Variants in DDX1 observed in about 807,000 individuals in gnomAD.
DDX1 encodes the protein ATP-dependent RNA helicase DDX1.
DDX1 carries 28 observed loss-of-function variants against 108.7 expected under a neutral mutation model. The ratio of observed to expected loss-of-function variants is 0.26; its 90% CI spans 0.19 to 0.35. DDX1 has a LOEUF of 0.35. Among genes scored for constraint, DDX1 ranks in the 10% least tolerant of loss-of-function variants. DDX1 has a pLI of 1.00. For synonymous variants in DDX1, 295 were observed against 288.9 expected (o/e 1.02, Z -0.21); for missense variants, 710 against 884.5 (o/e 0.80, Z 2.50).
At chr2:15,612,455 C>A (rs913538954) in intron 13 of DDX1, among the ~76,000 whole-genome samples, 1 of 150,218 alleles carries the variant, frequency 6.7e-6, no homozygotes, top group East Asian at 2.0e-4. Flanking sequence ...GGATGGTGGC[C>A]GGGAAGAGGT....
At position 15,616,778 on chromosome 2, in the gene DDX1, C is replaced by T. The variant is rs574208376; in HGVS notation, c.1018-466C>T. On this transcript the variant is annotated intron_variant, in intron 14 of 25. Transcript: ENST00000233084. Reference sequence around the variant, plus strand: ...TTTATTGAGCACCTGGGACACTCTGCGTCTAGTGCTTTACGCATCTTATCT... The same window carrying T: ...TTTATTGAGCACCTGGGACACTCTGTGTCTAGTGCTTTACGCATCTTATCT... Among the ~76,000 whole-genome samples the T allele has an allele frequency of 7.8e-4, 119 of 152,270 alleles. 1 individual carries two copies. Among genetic ancestry groups the T allele is most frequent in the Non-Finnish European group, 1.4e-3 (98 of 68,014 alleles).
intron 20 of DDX1, 31 bp from the exon 21 acceptor site, chr2:15,628,414 A>C: frequency 6.5e-7 from 1 of 1,539,444 alleles, no homozygotes; most frequent in Non-Finnish European, 9.0e-7. Flanking sequence ...TGTGCTAACA[A>C]ACTCCTTTCT....
intron 13 of DDX1, among the ~76,000 whole-genome samples, chr2:15,610,179 G>A (rs1241126463): frequency 6.6e-6 from 1 of 152,184 alleles, no homozygotes; most frequent in Non-Finnish European, 1.5e-5. Context: ...CAATCCTTGT[G>A]TCTCCGCCTC....
chr2:15,607,500 ATTTTT>A (rs1011489283), intron 13 of DDX1, among the ~76,000 whole-genome samples, 187 bp downstream of exon 13: 17 of 110,542 alleles, frequency 1.5e-4, no homozygotes, highest in African/African-American at 7.5e-4. Flanking sequence ...GGTAAGTATG[ATTTTT>A]TTAAAATTGA....
intron 1 of DDX1, 25 bp downstream of exon 1, chr2:15,591,974 T>G: frequency 1.4e-6 from 2 of 1,400,302 alleles, no homozygotes; most frequent in Non-Finnish European, 1.9e-6. Context: ...ACTCTGGGGG[T>G]GGTGGGGCGG....
Position 15,607,158 on chromosome 2 carries a change from C to G in DDX1, c.818-17C>G. ...AAGTGTGCTTTGAATGTGTTCTCAT[C>G]TTTTTTATTCCCTAAGGTAATGCAC... is the stretch of plus-strand genomic sequence containing the variant. On this transcript the variant is annotated splice_polypyrimidine_tract_variant and intron_variant, in intron 12 of 25. Coordinates refer to ENST00000233084, the MANE Select transcript of DDX1 (RefSeq NM_004939.3). 6.2e-7 allele frequency: 1 copy of G among 1,611,288 alleles called. No homozygotes were observed. Among genetic ancestry groups the G allele is most frequent in the Non-Finnish European group, 8.5e-7 (1 of 1,178,234 alleles).
At chr2:15,619,225 C>T (rs1665950135) in intron 16 of DDX1, among the ~76,000 whole-genome samples, 1 of 152,200 alleles carries the variant, frequency 6.6e-6, no homozygotes, top group Non-Finnish European at 1.5e-5. Context: ...TGAGGTGGCT[C>T]CCAGGGCAGT....
At chr2:15,619,428 G>T (rs191847736) in intron 16 of DDX1, among the ~76,000 whole-genome samples, 224 of 152,290 alleles carry the variant, frequency 1.5e-3, no homozygotes, top group African/African-American at 5.2e-3. Flanking sequence ...TTGGGGATGC[G>T]GGGCACAGGG....
chr2:15,604,425 C>G lies in DDX1; in HGVS notation c.553-12C>G. 3 of 1,574,342 alleles carry G rather than the reference C, an allele frequency of 1.9e-6. No individual in the cohort carries two copies. The highest frequency in any genetic ancestry group is 1.7e-6 in the Non-Finnish European group (2 of 1,145,612). ...CTTTCTATTAATAGCATTTGACTTT[C>G]TGGTGTTCTAGGAATTCACTATGCA... is the stretch of plus-strand genomic sequence containing the variant. On this transcript the variant is annotated splice_polypyrimidine_tract_variant and intron_variant, in intron 9 of 25. Coordinates refer to ENST00000233084, the MANE Select transcript of DDX1 (RefSeq NM_004939.3).
At chr2:15,619,815 C>G (rs867661277) in intron 16 of DDX1, among the ~76,000 whole-genome samples, 36 of 152,040 alleles carry the variant, frequency 2.4e-4, no homozygotes, top group African/African-American at 8.7e-4. Flanking sequence ...GTTGCCTGTT[C>G]GAAGGAAAAA....
At chr2:15,621,936 G>C (rs554651639) in intron 18 of DDX1, among the ~76,000 whole-genome samples, 130 of 152,330 alleles carry the variant, frequency 8.5e-4, no homozygotes, top group Middle Eastern at 3.4e-3. Flanking sequence ...TTATAGGCGT[G>C]AGCCACTGCA....
intron 13 of DDX1, among the ~76,000 whole-genome samples, chr2:15,609,455 C>T (rs778865527): frequency 1.3e-5 from 2 of 152,228 alleles, no homozygotes; most frequent in South Asian, 2.1e-4. Flanking sequence ...ACATGCCTTT[C>T]CCTGATCCTT....
At position 15,606,584 on chromosome 2, in the gene DDX1, A is replaced by T. The variant is rs570458777; in HGVS notation, c.817+320A>T. 8.4e-4 allele frequency among the ~76,000 whole-genome samples: 128 copies of T among 152,358 alleles called. 1 individual carries two copies. Among genetic ancestry groups the T allele is most frequent in the Non-Finnish European group, 1.5e-3 (103 of 68,032 alleles). On this transcript the variant is annotated intron_variant, in intron 12 of 25. Transcript: ENST00000233084. ...AGTCTTCACAACAACCCTATAAGGT[A>T]GTAGTTTTCCCATTTTACAGACAAC...
chr2:15,598,118 A>G, intron 5 of DDX1, among the ~76,000 whole-genome samples: 1 of 152,086 alleles, frequency 6.6e-6, no homozygotes, highest in East Asian at 1.9e-4. Context: ...TTATATTTTA[A>G]TAATATTTTT....
At chr2:15,617,163 AAGAC>A (rs1222590801) in intron 14 of DDX1, 77 bp from the exon 15 acceptor site, 1 of 604,086 alleles carries the variant, frequency 1.7e-6, no homozygotes, top group Non-Finnish European at 2.8e-6. Flanking sequence ...TTTTATTAAA[AAGAC>A]AGTTATTGGT....
Position 15,623,519 on chromosome 2 carries a change from A to G in DDX1, c.1531A>G (p.Ile511Val). 6.2e-7 allele frequency: 1 copy of G among 1,613,668 alleles called. No individual in the cohort carries two copies. The highest frequency in any genetic ancestry group is 8.5e-7 in the Non-Finnish European group (1 of 1,179,672). Residue 511 changes from isoleucine to valine, a missense_variant, in exon 19 of 26, where the codon ATC (isoleucine) becomes GTC (valine). Ile to Val is a conservative substitution (Grantham distance 29). Around this residue, in one of 3 missense-constraint regions of DDX1, gnomAD observed 661 missense variants for 810.2 expected, o/e 0.82. Transcript: ENST00000233084. ...IKEHKMDQAI[I>V]FCRTKIDCDN... ...GGAACATAAGATGGATCAAGCAATT[A>G]TCTTCTGTAGAACCAAAATTGACTG...
chr2:15,595,454 C>T, intron 2 of DDX1, 36 bp from the exon 3 acceptor site: 1 of 1,555,426 alleles, frequency 6.4e-7, no homozygotes, highest in African/African-American at 1.4e-5. Context: ...ATTTTTTTCC[C>T]CAGTAACTAA....
chr2:15,627,529 C>T (rs774913093), intron 20 of DDX1: 11 of 169,226 alleles, frequency 6.5e-5, no homozygotes, highest in Non-Finnish European at 1.2e-4. Flanking sequence ...CAGAATATGG[C>T]TATGTAGAAT....
chr2:15,629,407 A>G (rs1474472162), intron 23 of DDX1, among the ~76,000 whole-genome samples, 195 bp from the exon 24 acceptor site: 2 of 152,166 alleles, frequency 1.3e-5, no homozygotes, highest in Non-Finnish European at 2.9e-5. Flanking sequence ...GATTATTCTC[A>G]AAAAGAACTT....
Sources: gnomAD v4.1 joint callset for allele counts (sites outside exome capture counted in the v4.1 genomes callset) on GRCh38, gnomAD v4.1.1 for gene constraint, gnomAD v4.1.1 regional missense constraint, MANE v1.5 for transcripts, NCBI Gene and HGNC (gene_info 2026-07-23, HGNC 2026-07-21) for gene names.